TTC39B: variants seen among roughly 807,000 people sequenced by gnomAD.
TTC39B encodes the protein tetratricopeptide repeat protein 39B.
TTC39B carries 92 observed loss-of-function variants against 96.6 expected under a neutral mutation model. The observed-to-expected ratio is 0.95, with a 90% CI of 0.80 to 1.13. The LOEUF is 1.13. Among genes scored for constraint, TTC39B ranks in the 50% most tolerant of loss-of-function variants. TTC39B has a pLI of 0.00. For missense variants in TTC39B, 955 were observed against 809.3 expected, an observed-to-expected ratio of 1.18 and a Z score of -2.18; for synonymous variants, 367 against 299.4, an observed-to-expected ratio of 1.23 and a Z score of -2.33.
intron 2 of TTC39B, chr9:15,250,172 T>C: frequency 1.7e-6 from 2 of 1,192,730 alleles, no homozygotes; most frequent in South Asian, 1.6e-5. Flanking sequence ...ATTTAAGACA[T>C]GTCAGTTAAA....
intron 8 of TTC39B, 71 bp downstream of exon 8, chr9:15,199,790 G>T: frequency 2.5e-6 from 1 of 398,032 alleles, no homozygotes; most frequent in South Asian, 3.0e-5. Context: ...CTTAATTTAG[G>T]AGAACTGTGA....
At chr9:15,194,950 C>G (rs1165594151) in intron 8 of TTC39B, among the ~76,000 whole-genome samples, 2 of 152,152 alleles carry the variant, frequency 1.3e-5, no homozygotes, top group African/African-American at 4.8e-5. Flanking sequence ...CTACAGTGGC[C>G]TCTCAGTGTT....
chr9:15,187,698 C>A (rs767060863), intron 14 of TTC39B, among the ~76,000 whole-genome samples: 1 of 152,216 alleles, frequency 6.6e-6, no homozygotes, highest in Non-Finnish European at 1.5e-5. Context: ...GACCTCAAGC[C>A]ATCTTCCTGC....
intron 1 of TTC39B, among the ~76,000 whole-genome samples, chr9:15,274,152 T>C (rs1823455540): frequency 6.6e-6 from 1 of 152,202 alleles, no homozygotes; most frequent in South Asian, 2.1e-4. Flanking sequence ...TTGAATAAAG[T>C]ACTGATTTTT....
chr9:15,203,063 G>A (rs944215002), intron 7 of TTC39B, among the ~76,000 whole-genome samples: 20 of 152,296 alleles, frequency 1.3e-4, no homozygotes, highest in African/African-American at 4.8e-4. Context: ...AAAATTTGAA[G>A]TATACATGCT....
intron 6 of TTC39B, among the ~76,000 whole-genome samples, chr9:15,204,224 C>G (rs1243827359): frequency 6.6e-6 from 1 of 152,148 alleles, no homozygotes; most frequent in Non-Finnish European, 1.5e-5. Flanking sequence ...TATTTTTTAA[C>G]TTAATTAGTA....
chr9:15,280,152 C>A (rs992356527), intron 1 of TTC39B, among the ~76,000 whole-genome samples: 7 of 152,236 alleles, frequency 4.6e-5, no homozygotes, highest in African/African-American at 1.7e-4. Context: ...CCCACCTTGG[C>A]CTCCCAAAGT....
chr9:15,209,054 T>C lies in TTC39B; in HGVS notation c.691+1034A>G, dbSNP rs766902266. ...TTGTGTTCTCTAGTATGGTATATTCTAGTATTTTGTGTTACCTCTTCAGAG... is the reference window on the plus strand; with the variant it reads ...TTGTGTTCTCTAGTATGGTATATTCCAGTATTTTGTGTTACCTCTTCAGAG... On this transcript the variant is annotated intron_variant, in intron 6 of 19. Transcript: ENST00000512701. Among the ~76,000 whole-genome samples, 4 of 152,226 alleles carry C rather than the reference T, an allele frequency of 2.6e-5. No individual in the cohort carries two copies. In the East Asian group the frequency reaches 7.7e-4, roughly 29 times the overall value.
chr9:15,235,999 C>T (rs373845565), intron 2 of TTC39B, among the ~76,000 whole-genome samples: 3 of 152,156 alleles, frequency 2.0e-5, no homozygotes, highest in Non-Finnish European at 2.9e-5. Context: ...AAATGCCCCA[C>T]TTAAAAGATA....
chr9:15,286,570 T>C (rs1277827475), intron 1 of TTC39B, among the ~76,000 whole-genome samples: 1 of 152,198 alleles, frequency 6.6e-6, no homozygotes, highest in Non-Finnish European at 1.5e-5. Context: ...GTATTTGTCT[T>C]GCAACTAATA....
exon 20 of TTC39B, chr9:15,167,638 G>T (rs1354934807): frequency 6.6e-6 from 1 of 152,272 alleles, no homozygotes. Context: ...TGTAATCCCA[G>T]CTACTTGGGA....
intron 2 of TTC39B, among the ~76,000 whole-genome samples, chr9:15,236,785 G>C (rs558523534): frequency 5.6e-4 from 86 of 152,230 alleles, no homozygotes; most frequent in African/African-American, 2.0e-3. Flanking sequence ...TGAAAACAAA[G>C]ACACAACATA....
intron 1 of TTC39B, among the ~76,000 whole-genome samples, chr9:15,303,287 A>T (rs191472046): frequency 6.6e-5 from 10 of 152,348 alleles, no homozygotes; most frequent in South Asian, 4.1e-4. Flanking sequence ...TACCTACATA[A>T]TAGCAATGTA....
At chr9:15,173,049 T>C (rs1817743850) in intron 19 of TTC39B, among the ~76,000 whole-genome samples, 1 of 152,192 alleles carries the variant, frequency 6.6e-6, no homozygotes, top group Non-Finnish European at 1.5e-5. Flanking sequence ...TATGTTTGAA[T>C]TGTCAGTATT....
intron 2 of TTC39B, among the ~76,000 whole-genome samples, chr9:15,232,046 G>T (rs1024005364): frequency 3.9e-5 from 6 of 152,068 alleles, no homozygotes; most frequent in African/African-American, 1.4e-4. Context: ...GCAAGCTAGG[G>T]AATCCAGTTC....
At chr9:15,242,640 T>C (rs1822096937) in intron 2 of TTC39B, among the ~76,000 whole-genome samples, 1 of 152,070 alleles carries the variant, frequency 6.6e-6, no homozygotes, top group African/African-American at 2.4e-5. Flanking sequence ...GAAAGGAATA[T>C]GAAAGCTCCA....
intron 19 of TTC39B, 30 bp downstream of exon 19, chr9:15,174,989 A>G (rs375728312): frequency 2.0e-5 from 29 of 1,450,482 alleles, no homozygotes; most frequent in Non-Finnish European, 2.3e-5. Flanking sequence ...ACTCCATAAC[A>G]ATCAAGGAAA....
intron 2 of TTC39B, among the ~76,000 whole-genome samples, chr9:15,234,550 C>G (rs185912857): frequency 2.6e-5 from 4 of 152,100 alleles, no homozygotes; most frequent in African/African-American, 4.8e-5. Flanking sequence ...TCATTGAGAA[C>G]GGGCCATGAT....
intron 2 of TTC39B, among the ~76,000 whole-genome samples, chr9:15,227,895 G>A (rs1285077386): frequency 6.6e-6 from 1 of 151,806 alleles, no homozygotes; most frequent in East Asian, 1.9e-4. Context: ...CTGATTTTGA[G>A]GGCATACTTA....
Sources: allele counts gnomAD v4.1 joint callset (sites outside exome capture counted in the v4.1 genomes callset), GRCh38; gene constraint gnomAD v4.1.1; transcripts MANE v1.5; gene names NCBI Gene and HGNC (gene_info 2026-07-23, HGNC 2026-07-21).